The following CD99L2 variants were observed in gnomAD, a reference collection of about 807,000 sequenced individuals.
CD99L2 encodes CD99 antigen-like protein 2.
A neutral mutation model predicts 27.3 loss-of-function variants in CD99L2; 24 were observed. That is an observed-to-expected ratio of 0.88 (90% CI 0.64 to 1.24). CD99L2 has a LOEUF of 1.24. Among genes scored for constraint, CD99L2 ranks in the 50% most tolerant of loss-of-function variants. The pLI, the probability that CD99L2 is intolerant of heterozygous loss-of-function variation, is 0.00. For synonymous variants in CD99L2, 97 were observed against 87.9 expected, an observed-to-expected ratio of 1.10 and a Z score of -0.58; for missense variants, 255 against 221.6, an observed-to-expected ratio of 1.15 and a Z score of -0.96.
In CD99L2 at chrX:150,898,600, G is replaced by GGCGGAGGGCC; in HGVS notation, c.-22_-13dup. ...CGCCAGGCCACCATGGCTGGGAGCA[G>GGCGGAGGGCC]GCGGAGGGCCCCGGAGGAGCACAGT... On this transcript the variant is annotated 5_prime_UTR_variant, in exon 1 of 11. Transcript: ENST00000370377. 1 of 1,102,781 alleles carries GGCGGAGGGCC rather than the reference G, an allele frequency of 9.1e-7. No homozygotes were observed. Among genetic ancestry groups the GGCGGAGGGCC allele is most frequent in the Non-Finnish European group, 1.2e-6 (1 of 845,339 alleles). 90.9% of individuals were successfully genotyped at this position (1,102,781 alleles called of 1,213,427 possible). A position where few individuals can be genotyped will look rare whatever the true frequency, so the allele number is the denominator to read the frequency against.
At chrX:150,850,584 C>T (rs187741507) in intron 1 of CD99L2, among the ~76,000 whole-genome samples, 394 of 112,522 alleles carry the variant, frequency 3.5e-3, no homozygotes, top group Non-Finnish European at 5.8e-3. Context: ...CACAGTACAA[C>T]AAAGTGATAC....
chrX:150,845,330 A>G (rs1232148406), intron 1 of CD99L2, among the ~76,000 whole-genome samples: 7 of 112,151 alleles, frequency 6.2e-5, no homozygotes, highest in African/African-American at 2.3e-4. Context: ...TCAGGTTGTG[A>G]AATGTTTTCT....
intron 1 of CD99L2, among the ~76,000 whole-genome samples, chrX:150,842,288 C>T (rs1374153847): frequency 8.9e-6 from 1 of 112,166 alleles, no homozygotes; most frequent in Non-Finnish European, 1.9e-5. Flanking sequence ...CTCCAACAGC[C>T]AGTGTCTGTC....
intron 1 of CD99L2, among the ~76,000 whole-genome samples, chrX:150,840,131 G>A (rs1368824118): frequency 1.8e-5 from 2 of 109,634 alleles, no homozygotes; most frequent in African/African-American, 6.6e-5. Context: ...GAGTCTGAGA[G>A]GTTGAGGCTG....
intron 1 of CD99L2, among the ~76,000 whole-genome samples, chrX:150,867,919 A>C (rs1277805781): frequency 5.2e-5 from 5 of 97,019 alleles, no homozygotes; most frequent in Admixed American, 4.5e-4. Context: ...AAAAAAAAAA[A>C]AAACCTACAA....
chrX:150,799,954 C>A (rs2045877694), intron 4 of CD99L2, among the ~76,000 whole-genome samples: 1 of 112,008 alleles, frequency 8.9e-6, no homozygotes, highest in Non-Finnish European at 1.9e-5. Flanking sequence ...TTATGCACAA[C>A]AGCCAAAAGG....
intron 2 of CD99L2, chrX:150,828,521 A>G (rs1406270271): frequency 1.8e-5 from 2 of 111,411 alleles, no homozygotes; most frequent in Admixed American, 9.6e-5. Flanking sequence ...GACTTTCTCA[A>G]CTCAATATAT....
At chrX:150,816,204 G>A in intron 2 of CD99L2, 126 bp from the exon 3 acceptor site, 1 of 586,207 alleles carries the variant, frequency 1.7e-6, no homozygotes, top group Non-Finnish European at 2.9e-6. Context: ...GGCCCCTCTA[G>A]CTAGGAGCTC....
chrX:150,785,271 T>G (rs1371601734), intron 7 of CD99L2, among the ~76,000 whole-genome samples: 1 of 110,544 alleles, frequency 9.0e-6, no homozygotes, highest in Non-Finnish European at 1.9e-5. Context: ...CACCAACATC[T>G]AATTAAGAAA....
intron 1 of CD99L2, among the ~76,000 whole-genome samples, chrX:150,877,659 A>G (rs1303101640): frequency 9.1e-6 from 1 of 109,644 alleles, no homozygotes; most frequent in Non-Finnish European, 1.9e-5. Context: ...TTTCTACATA[A>G]AATTTAAAAA....
chrX:150,892,227 AAAAAAATAAT>A (rs2047524780), intron 1 of CD99L2, among the ~76,000 whole-genome samples: 1 of 109,081 alleles, frequency 9.2e-6, no homozygotes, highest in East Asian at 2.9e-4. Flanking sequence ...ATCTCGAAGG[AAAAAAATAAT>A]AAAAATAAAT....
At chrX:150,769,741 T>C (rs1248533098) in intron 10 of CD99L2, among the ~76,000 whole-genome samples, 1 of 106,845 alleles carries the variant, frequency 9.4e-6, no homozygotes, top group East Asian at 4.3e-4. Flanking sequence ...CTCATTGGCA[T>C]CCCGTGGGCA....
At chrX:150,864,045 T>A (rs782392983) in intron 1 of CD99L2, among the ~76,000 whole-genome samples, 6 of 112,221 alleles carry the variant, frequency 5.3e-5, no homozygotes, top group South Asian at 7.4e-4. Flanking sequence ...TCTGTTGTTT[T>A]CAGCCACCCA....
intron 4 of CD99L2, among the ~76,000 whole-genome samples, chrX:150,806,319 G>A (rs782164276): frequency 5.3e-4 from 59 of 111,992 alleles, no homozygotes; most frequent in African/African-American, 1.9e-3. Context: ...GCAGTGGCAC[G>A]ATCATAGCTC....
At chrX:150,858,600 C>A (rs2046928283) in intron 1 of CD99L2, among the ~76,000 whole-genome samples, 1 of 112,030 alleles carries the variant, frequency 8.9e-6, no homozygotes, top group Non-Finnish European at 1.9e-5. Flanking sequence ...TCCTGACTAA[C>A]CAATGGGTCA....
intron 4 of CD99L2, among the ~76,000 whole-genome samples, chrX:150,813,861 T>A (rs1285645141): frequency 8.9e-6 from 1 of 112,254 alleles, no homozygotes; most frequent in African/African-American, 3.2e-5. Context: ...AACTTTAATA[T>A]CTGTTAGATG....
At chrX:150,787,741 G>A (rs1448273456) in intron 7 of CD99L2, among the ~76,000 whole-genome samples, 1 of 76,910 alleles carries the variant, frequency 1.3e-5, no homozygotes, top group African/African-American at 4.8e-5. Context: ...ACTGGGACCT[G>A]TCGTGGGATT....
intron 6 of CD99L2, among the ~76,000 whole-genome samples, chrX:150,794,539 G>A (rs782475159): frequency 8.9e-6 from 1 of 112,450 alleles, no homozygotes; most frequent in South Asian, 3.7e-4. Context: ...CCACTGAAAG[G>A]ACAAGATAGT....
At chrX:150,848,154 T>A (rs1261744314) in intron 1 of CD99L2, among the ~76,000 whole-genome samples, 1 of 103,897 alleles carries the variant, frequency 9.6e-6, no homozygotes, top group African/African-American at 3.6e-5. Context: ...ATTACATAAA[T>A]TATATTATTT....
Sources: allele counts gnomAD v4.1 joint callset (sites outside exome capture counted in the v4.1 genomes callset), GRCh38; gene constraint gnomAD v4.1.1; transcripts MANE v1.5; gene names NCBI Gene and HGNC (gene_info 2026-07-23, HGNC 2026-07-21).